TTBK2: variants seen among roughly 807,000 people sequenced by gnomAD.
TTBK2 encodes the protein tau tubulin kinase 2.
Under a neutral mutation model 110.8 loss-of-function variants are expected in TTBK2, and 28 were observed. The observed-to-expected ratio is 0.25, with a 90% CI of 0.19 to 0.35. The LOEUF (loss-of-function observed/expected upper bound fraction) is 0.35, where lower values mean the gene tolerates loss of function less well. Among genes scored for constraint, TTBK2 ranks in the 10% least tolerant of loss-of-function variants. TTBK2 has a pLI of 1.00. For missense variants in TTBK2, 1,369 were observed against 1,500.3 expected (o/e 0.91, Z 1.45); for synonymous variants, 532 against 527.3 (o/e 1.01, Z -0.12).
intron 1 of TTBK2, among the ~76,000 whole-genome samples, chr15:42,894,830 C>A (rs2141173499): frequency 6.6e-6 from 1 of 152,244 alleles, no homozygotes; most frequent in Middle Eastern, 3.4e-3. Flanking sequence ...TAGTAGCAAA[C>A]TGAATCCAGC....
rs1314463632 is a variant in TTBK2, at chr15:42,775,347, C to T, written c.1786G>A (p.Glu596Lys). Residue 596 changes from glutamate to lysine, a missense_variant, in exon 13 of 15, where the codon GAA becomes AAA. Physicochemically the swap from Glu to Lys is moderately conservative, Grantham distance 56 (BLOSUM62 1). Around this residue, in one of 4 missense-constraint regions of TTBK2, gnomAD observed 1,097 missense variants for 1,114.7 expected, o/e 0.98. Coordinates refer to ENST00000267890, the MANE Select transcript of TTBK2 (RefSeq NM_173500.4). ...LQVLEASPQD[E>K]KLQLGPWAEN... ...GCCCAAGGACCTAACTGGAGCTTTT[C>T]ATCTTGAGGTGATGCCTCCAGGACT... 3 of 1,614,212 alleles carry T rather than the reference C, an allele frequency of 1.9e-6. No homozygotes were observed. The highest frequency in any genetic ancestry group is 1.7e-5 in the Admixed American group (1 of 60,020).
At chr15:42,840,307 T>C in intron 4 of TTBK2, 53 bp downstream of exon 4, 2 of 1,435,684 alleles carry the variant, frequency 1.4e-6, no homozygotes, top group East Asian at 2.3e-5. Flanking sequence ...ACTGTAATTG[T>C]ATACTTTGAT....
Position 42,810,645 on chromosome 15 carries a change from G to C in TTBK2, c.791C>G (p.Ser264Cys). 1 of 1,613,996 alleles carries C rather than the reference G, an allele frequency of 6.2e-7. No homozygotes were observed. Among genetic ancestry groups the C allele is most frequent in the Non-Finnish European group, 8.5e-7 (1 of 1,179,928 alleles). ...EFSIFLDHIS[S>C]LDYFTKPDYQ... ...GTCTGGTTTTGTAAAATAATCCAAAGAAGAGATATGGTCTAGAAAGATGCT... is the reference window on the plus strand; with the variant it reads ...GTCTGGTTTTGTAAAATAATCCAAACAAGAGATATGGTCTAGAAAGATGCT... Residue 264 changes from serine (S) to cysteine (C), a missense_variant, in exon 9 of 15, where the codon TCT (serine) becomes TGT (cysteine). Physicochemically the swap from Ser to Cys is moderately radical, Grantham distance 112. Transcript: ENST00000267890.
intron 3 of TTBK2, chr15:42,871,407 A>G: frequency 2.1e-6 from 2 of 974,252 alleles, no homozygotes; most frequent in Non-Finnish European, 2.4e-6. Flanking sequence ...AAGCAGGAGA[A>G]CCTCCTGAAG....
rs894080094 is a variant in TTBK2, at chr15:42,878,718, T to C, written c.-67-34A>G. ...ACAACAACAAAAAATAGTAGCAGTA[T>C]TTAGGGTTAACTAATCAACACAAAT... On this transcript the variant is annotated intron_variant, in intron 1 of 14. Coordinates refer to ENST00000267890, the MANE Select transcript of TTBK2 (RefSeq NM_173500.4). 4.4e-6 allele frequency: 7 copies of C among 1,599,188 alleles called. No individual in the cohort carries two copies. The African/African-American group carries it at 6.7e-5, about 15-fold the overall frequency.
At chr15:42,801,488 TAGG>T (rs1463879288) in intron 9 of TTBK2, 15 of 780,704 alleles carry the variant, frequency 1.9e-5, no homozygotes, top group East Asian at 9.9e-5. Flanking sequence ...CCGGTTCATC[TAGG>T]AGATCTCAGT....
intron 3 of TTBK2, among the ~76,000 whole-genome samples, chr15:42,871,287 C>T (rs556903531): frequency 1.3e-5 from 2 of 152,128 alleles, no homozygotes; most frequent in Admixed American, 1.3e-4. Flanking sequence ...AAATAAAATA[C>T]AAGAAAAGGA....
chr15:42,898,518 A>G (rs1403603994), intron 1 of TTBK2, among the ~76,000 whole-genome samples: 2 of 149,654 alleles, frequency 1.3e-5, no homozygotes, highest in Non-Finnish European at 3.0e-5. Flanking sequence ...CTCAAAAAGA[A>G]AAAAAAAAAG....
chr15:42,870,859 C>CA (rs747224076), intron 3 of TTBK2, among the ~76,000 whole-genome samples: 1,003 of 88,548 alleles, frequency 0.011, 7 homozygotes, highest in South Asian at 0.019. Context: ...GACTCCGTCT[C>CA]AAAAAAAAAA....
intron 10 of TTBK2, among the ~76,000 whole-genome samples, chr15:42,791,691 T>C (rs1890693365): frequency 6.6e-6 from 1 of 152,228 alleles, no homozygotes; most frequent in African/African-American, 2.4e-5. Context: ...CAGGGGTGGG[T>C]CAGTTCTTGC....
intron 3 of TTBK2, among the ~76,000 whole-genome samples, chr15:42,858,866 T>A (rs1287238132): frequency 2.6e-5 from 4 of 152,164 alleles, no homozygotes; most frequent in African/African-American, 9.7e-5. Flanking sequence ...TACAGAAATA[T>A]TAGACAGAAG....
At chr15:42,833,737 T>C (rs1595963208) in intron 4 of TTBK2, among the ~76,000 whole-genome samples, 2 of 152,032 alleles carry the variant, frequency 1.3e-5, no homozygotes, top group South Asian at 4.1e-4. Context: ...GGGCCAGGCA[T>C]GGTGGCTCAC....
At chr15:42,761,004 G>C (rs1259314405) in intron 13 of TTBK2, among the ~76,000 whole-genome samples, 1 of 152,184 alleles carries the variant, frequency 6.6e-6, no homozygotes, top group East Asian at 1.9e-4. Flanking sequence ...CAACAGAACA[G>C]ATCAGAGAAT....
intron 1 of TTBK2, among the ~76,000 whole-genome samples, chr15:42,911,887 C>G (rs1401913784): frequency 2.0e-5 from 3 of 152,100 alleles, no homozygotes; most frequent in Non-Finnish European, 4.4e-5. Flanking sequence ...TTTGGCTTCT[C>G]CAGGCCACAG....
chr15:42,838,353 G>GGT (rs376921873), intron 4 of TTBK2, among the ~76,000 whole-genome samples: 4,173 of 147,980 alleles, frequency 0.028, 104 homozygotes, highest in South Asian at 0.093. Flanking sequence ...TATAATTCAG[G>GGT]GTGTGTGTGT....
In TTBK2 at chr15:42,775,578, C is replaced by G. The variant is rs200124857; in HGVS notation, c.1555G>C (p.Ala519Pro). 2.5e-4 allele frequency: 407 copies of G among 1,614,054 alleles called. No individual in the cohort carries two copies. Among genetic ancestry groups the G allele is most frequent in the Non-Finnish European group, 2.6e-4 (303 of 1,180,034 alleles). The change falls in exon 13 of 15, where the codon GCT (alanine) becomes CCT (proline). Residue 519 changes from alanine to proline, a missense_variant. Physicochemically the swap from Ala to Pro is conservative, Grantham distance 27. Around this residue, in one of 4 missense-constraint regions of TTBK2, gnomAD observed 1,097 missense variants for 1,114.7 expected, o/e 0.98. Transcript: ENST00000267890. ...GCCTGCTCAGGGGTGTTGGCAGAAGCAGGCTTGGAGGCATCTGGAAGATAT... is the reference window on the plus strand; with the variant it reads ...GCCTGCTCAGGGGTGTTGGCAGAAGGAGGCTTGGAGGCATCTGGAAGATAT... ...EEYLPDASKP[A>P]SANTPEQADG...
chr15:42,749,212 T>C (rs2061834234), intron 14 of TTBK2, among the ~76,000 whole-genome samples: 2 of 152,196 alleles, frequency 1.3e-5, no homozygotes, highest in South Asian at 4.1e-4. Context: ...TTCTTACTGC[T>C]AGAAAGTGGG....
At chr15:42,756,360 C>T (rs1029814139) in intron 13 of TTBK2, among the ~76,000 whole-genome samples, 4 of 151,896 alleles carry the variant, frequency 2.6e-5, no homozygotes, top group South Asian at 4.2e-4. Context: ...CTGAGGTGGG[C>T]GGATCATCTG....
At chr15:42,784,536 C>A (rs1468620475) in intron 10 of TTBK2, among the ~76,000 whole-genome samples, 1 of 152,194 alleles carries the variant, frequency 6.6e-6, no homozygotes, top group Non-Finnish European at 1.5e-5. Flanking sequence ...CCTTGGCCTA[C>A]CAAAGTGCTG....
Sources: allele counts gnomAD v4.1 joint callset (sites outside exome capture counted in the v4.1 genomes callset), GRCh38; gene constraint gnomAD v4.1.1; regional missense constraint gnomAD v4.1.1; transcripts MANE v1.5; gene names NCBI Gene and HGNC (gene_info 2026-07-23, HGNC 2026-07-21).